The following KHDRBS2 variants were observed in gnomAD, a reference collection of about 807,000 sequenced individuals.
KHDRBS2 encodes the protein KH domain-containing, RNA-binding, signal transduction-associated protein 2.
In KHDRBS2, 26 loss-of-function variants were observed where a neutral mutation model predicts 44.3. That is an observed-to-expected ratio of 0.59 (90% CI 0.43 to 0.81). KHDRBS2 has a LOEUF of 0.81. Among genes scored for constraint, KHDRBS2 ranks in the 40% least tolerant of loss-of-function variants. The probability of loss-of-function intolerance (pLI) is 0.00; values close to 1 mark genes in which losing one functional copy is unlikely to be tolerated. For missense variants in KHDRBS2, 476 were observed against 433.1 expected (o/e 1.10, Z -0.88); for synonymous variants, 194 against 151.1 (o/e 1.28, Z -2.08).
At chr6:62,208,187 A>C (rs1182379458) in intron 1 of KHDRBS2, among the ~76,000 whole-genome samples, 1 of 152,150 alleles carries the variant, frequency 6.6e-6, no homozygotes, top group Non-Finnish European at 1.5e-5. Context: ...CTCCATGTTC[A>C]TCCATGTAGT....
At chr6:61,567,737 C>T in the KHDRBS2 span, among the ~76,000 whole-genome samples, 2 of 152,210 alleles carry the variant, frequency 1.3e-5, no homozygotes, top group South Asian at 2.1e-4. Context: ...CTTCCCTGCT[C>T]TTCCCTGACA....
intron 1 of KHDRBS2, among the ~76,000 whole-genome samples, chr6:62,226,098 T>C (rs1831761123): frequency 6.6e-6 from 1 of 152,196 alleles, no homozygotes; most frequent in Non-Finnish European, 1.5e-5. Flanking sequence ...TTCTAGATCA[T>C]TGAGGAATTT....
At chr6:61,923,939 G>A (rs990633189) in intron 4 of KHDRBS2, among the ~76,000 whole-genome samples, 3 of 151,978 alleles carry the variant, frequency 2.0e-5, no homozygotes, top group African/African-American at 7.2e-5. Context: ...GAAGCCATTA[G>A]TAAATAAATT....
chr6:61,863,541 T>G (rs931121439), intron 6 of KHDRBS2, among the ~76,000 whole-genome samples: 4 of 152,210 alleles, frequency 2.6e-5, no homozygotes, highest in African/African-American at 9.6e-5. Flanking sequence ...TTAATTTCAT[T>G]ATTTACCCAA....
intron 6 of KHDRBS2, among the ~76,000 whole-genome samples, chr6:61,742,742 T>C (rs1249712147): frequency 6.6e-6 from 1 of 152,014 alleles, no homozygotes; most frequent in Non-Finnish European, 1.5e-5. Context: ...AAGGTACACA[T>C]CCTCAGTGAG....
chr6:61,558,677 C>T, the KHDRBS2 span, among the ~76,000 whole-genome samples: 2 of 152,130 alleles, frequency 1.3e-5, no homozygotes, highest in African/African-American at 2.4e-5. Flanking sequence ...CCTTGACCAA[C>T]TGGTTATTCA....
intron 4 of KHDRBS2, among the ~76,000 whole-genome samples, chr6:61,907,109 G>A (rs1007778604): frequency 3.3e-5 from 5 of 152,116 alleles, no homozygotes; most frequent in African/African-American, 1.2e-4. Context: ...ACTGGGGTGA[G>A]TTGATATCTC....
At chr6:62,062,103 T>A (rs1320676762) in intron 2 of KHDRBS2, among the ~76,000 whole-genome samples, 1 of 149,314 alleles carries the variant, frequency 6.7e-6, no homozygotes, top group Non-Finnish European at 1.5e-5. Context: ...ATGCACCCAA[T>A]ACAGGAGCAC....
intron 5 of KHDRBS2, among the ~76,000 whole-genome samples, chr6:61,900,455 T>C (rs1215889552): frequency 6.6e-6 from 1 of 152,174 alleles, no homozygotes; most frequent in African/African-American, 2.4e-5. Flanking sequence ...ACATAGTTGT[T>C]CTCTGAAGGC....
intron 2 of KHDRBS2, among the ~76,000 whole-genome samples, chr6:62,140,922 G>A (rs1272563092): frequency 6.6e-6 from 1 of 152,124 alleles, no homozygotes; most frequent in Non-Finnish European, 1.5e-5. Flanking sequence ...AACTTCTATT[G>A]GTGTTCACAA....
chr6:61,772,274 G>A (rs1182776212), intron 6 of KHDRBS2, among the ~76,000 whole-genome samples: 1 of 152,080 alleles, frequency 6.6e-6, no homozygotes, highest in Non-Finnish European at 1.5e-5. Flanking sequence ...AAAAGCAAGA[G>A]CAAACACATT....
intron 2 of KHDRBS2, among the ~76,000 whole-genome samples, chr6:62,122,421 C>G (rs905014633): frequency 6.6e-6 from 1 of 152,118 alleles, no homozygotes; most frequent in Admixed American, 6.6e-5. Flanking sequence ...TGCTTTCTGA[C>G]CTATCTAACC....
chr6:62,187,267 C>A (rs1430571614), intron 1 of KHDRBS2, among the ~76,000 whole-genome samples: 1 of 152,066 alleles, frequency 6.6e-6, no homozygotes, highest in African/African-American at 2.4e-5. Flanking sequence ...AATTGTACAG[C>A]AAGGAAAGTA....
At chr6:61,634,171 C>T in the KHDRBS2 span, among the ~76,000 whole-genome samples, 2 of 151,736 alleles carry the variant, frequency 1.3e-5, no homozygotes, top group Non-Finnish European at 2.9e-5. Flanking sequence ...CTTTCAAATG[C>T]AGTTCCTTTA....
At chr6:61,916,426 T>C (rs1583492233) in intron 4 of KHDRBS2, among the ~76,000 whole-genome samples, 1 of 133,034 alleles carries the variant, frequency 7.5e-6, no homozygotes, top group South Asian at 2.5e-4. Context: ...TATTTATACA[T>C]ATATATATAT....
the KHDRBS2 span, among the ~76,000 whole-genome samples, chr6:61,611,752 C>A: frequency 6.6e-6 from 1 of 152,116 alleles, no homozygotes; most frequent in Non-Finnish European, 1.5e-5. Flanking sequence ...TTATTTTGAA[C>A]TTTCGTTACA....
chr6:61,898,554 A>G (rs1803355134), intron 5 of KHDRBS2, among the ~76,000 whole-genome samples: 1 of 151,992 alleles, frequency 6.6e-6, no homozygotes, highest in Admixed American at 6.6e-5. Context: ...ACTGAGTTAA[A>G]TTATGACTAT....
At chr6:61,921,358 T>C (rs35030455) in intron 4 of KHDRBS2, among the ~76,000 whole-genome samples, 47 of 152,110 alleles carry the variant, frequency 3.1e-4, no homozygotes, top group Non-Finnish European at 5.9e-4. Flanking sequence ...CAGGAGATTA[T>C]ATTAACTCCC....
At chr6:62,056,908 A>T (rs1427134277) in intron 2 of KHDRBS2, among the ~76,000 whole-genome samples, 2 of 151,974 alleles carry the variant, frequency 1.3e-5, no homozygotes, top group African/African-American at 4.8e-5. Flanking sequence ...ACATTTCCCA[A>T]CACTTCTATT....
Sources: gnomAD v4.1 joint callset for allele counts (sites outside exome capture counted in the v4.1 genomes callset) on GRCh38, gnomAD v4.1.1 for gene constraint, MANE v1.5 for transcripts, NCBI Gene and HGNC (gene_info 2026-07-23, HGNC 2026-07-21) for gene names.